The following TMCO5A variants were observed in gnomAD, a reference collection of about 807,000 sequenced individuals.
TMCO5A encodes the protein transmembrane and coiled-coil domains 5A.
Under a neutral mutation model 42.3 loss-of-function variants are expected in TMCO5A, and 34 were observed. The ratio of observed to expected loss-of-function variants is 0.80; its 90% confidence interval spans 0.61 to 1.07. TMCO5A has a LOEUF of 1.07. Ranked by LOEUF, TMCO5A falls within the 50% of genes least tolerant of loss-of-function variation. The probability of loss-of-function intolerance (pLI) is 0.00; values close to 1 mark genes in which losing one functional copy is unlikely to be tolerated. For missense variants in TMCO5A, 357 were observed against 327.9 expected (o/e 1.09, Z -0.69); for synonymous variants, 131 against 115.6 (o/e 1.13, Z -0.86).
intron 9 of TMCO5A, 135 bp from the exon 10 acceptor site, chr15:37,943,206 A>G: frequency 1.6e-6 from 1 of 639,214 alleles, no homozygotes; most frequent in East Asian, 3.1e-5. Context: ...TAATTTAAAT[A>G]GCTATAGGTA....
intron 11 of TMCO5A, among the ~76,000 whole-genome samples, chr15:37,959,918 G>GA (rs1198162664): frequency 1.3e-5 from 2 of 151,662 alleles, no homozygotes; most frequent in African/African-American, 2.4e-5. Flanking sequence ...TTATATTTGG[G>GA]AAAAAAATTA....
At chr15:38,038,695 A>G in the TMCO5A span, among the ~76,000 whole-genome samples, 1 of 152,136 alleles carries the variant, frequency 6.6e-6, no homozygotes, top group Non-Finnish European at 1.5e-5. Flanking sequence ...CATAAGCCAC[A>G]ACACCCGGCC....
rs763334399 is a variant in TMCO5A, at chr15:37,938,243, A to T, written c.387+14A>T. 6 of 1,462,368 alleles carry T rather than the reference A, an allele frequency of 4.1e-6. No homozygotes were observed. Among genetic ancestry groups the T allele is most frequent in the African/African-American group, 1.5e-5 (1 of 67,804 alleles). The allele number at this position is 1,462,368 out of a possible 1,614,324, so 90.6% of individuals were successfully genotyped here. A position where few individuals can be genotyped will look rare whatever the true frequency, so the allele number is the denominator to read the frequency against. ...GAAGAGACAAAGGTAAATGAAAAAA[A>T]CAATCCTAAATGTGGTTGGGCTATG... On this transcript the variant is annotated intron_variant, in intron 6 of 11. Transcript: ENST00000319669.
Position 37,966,853 on chromosome 15 carries a change from C to A in TMCO5A, c.*210C>A, listed in dbSNP as rs570643801. The A allele has an allele frequency of 6.5e-5, 39 of 603,408 alleles. 1 individual carries two copies. The South Asian group carries it at 7.7e-4, about 12-fold the overall frequency. 37.4% of individuals were successfully genotyped at this position (603,408 alleles called of 1,614,324 possible). On this transcript the variant is annotated 3_prime_UTR_variant, in exon 12 of 12. Coordinates refer to the TMCO5A transcript ENST00000559502. ...GTCAAGCTTATGTCATATGTTCAGC[C>A]CCTTACTAAGGATTAAGAGCAGTCA...
the TMCO5A span, among the ~76,000 whole-genome samples, chr15:37,974,985 GT>G: frequency 6.6e-6 from 1 of 152,224 alleles, no homozygotes; most frequent in Admixed American, 6.5e-5. Context: ...GTCTACCTTA[GT>G]TTCATTGTTT....
the TMCO5A span, among the ~76,000 whole-genome samples, chr15:37,993,687 G>A: frequency 6.6e-6 from 1 of 152,098 alleles, no homozygotes; most frequent in Non-Finnish European, 1.5e-5. Context: ...TGTGGGGAGG[G>A]TGTAACAATG....
chr15:37,968,760 T>A (rs751355969), downstream of TMCO5A, among the ~76,000 whole-genome samples: 61 of 151,992 alleles, frequency 4.0e-4, no homozygotes, highest in Admixed American at 6.6e-4. Context: ...TTTTTGTATT[T>A]CTAGTAGAGA....
the TMCO5A span, among the ~76,000 whole-genome samples, chr15:37,996,617 T>C: frequency 1.3e-5 from 2 of 152,286 alleles, no homozygotes; most frequent in African/African-American, 4.8e-5. Context: ...ACCAGGTGTA[T>C]AAACAAATAA....
intron 10 of TMCO5A, among the ~76,000 whole-genome samples, chr15:37,946,915 A>G (rs1889986044): frequency 1.3e-5 from 2 of 152,134 alleles, no homozygotes; most frequent in African/African-American, 4.8e-5. Context: ...GAGAGAAGTC[A>G]TCCTTGTCTT....
At chr15:37,948,032 A>G (rs1890024281) in intron 11 of TMCO5A, among the ~76,000 whole-genome samples, 1 of 152,106 alleles carries the variant, frequency 6.6e-6, no homozygotes, top group Admixed American at 6.6e-5. Context: ...AGCTTGATGT[A>G]TCTGGTTTCC....
downstream of TMCO5A, among the ~76,000 whole-genome samples, chr15:37,951,899 C>T (rs1484306367): frequency 6.6e-6 from 1 of 152,016 alleles, no homozygotes; most frequent in Non-Finnish European, 1.5e-5. Flanking sequence ...CCCCCTTTCC[C>T]ATCCTCCAGC....
intron 11 of TMCO5A, among the ~76,000 whole-genome samples, chr15:37,959,363 A>G (rs1437620792): frequency 6.6e-6 from 1 of 152,010 alleles, no homozygotes; most frequent in Non-Finnish European, 1.5e-5. Flanking sequence ...TGTAAGGTCA[A>G]TATTACCCTG....
At chr15:37,943,558 C>T in intron 10 of TMCO5A, 160 bp downstream of exon 10, 1 of 608,846 alleles carries the variant, frequency 1.6e-6, no homozygotes, top group Non-Finnish European at 2.8e-6. Context: ...CCTAAACAAA[C>T]AAACTAGACT....
At chr15:37,955,186 G>A (rs1282664917), downstream of TMCO5A, among the ~76,000 whole-genome samples, 2 of 148,280 alleles carry the variant, frequency 1.3e-5, no homozygotes, top group African/African-American at 5.0e-5. Flanking sequence ...CCAAGGATCT[G>A]TTGCCTAAAA....
At chr15:37,952,021 C>T (rs899538757), downstream of TMCO5A, among the ~76,000 whole-genome samples, 1 of 152,130 alleles carries the variant, frequency 6.6e-6, no homozygotes, top group Non-Finnish European at 1.5e-5. Context: ...CAAAACCAGA[C>T]CAAACTCACC....
the TMCO5A span, among the ~76,000 whole-genome samples, chr15:37,980,699 A>G: frequency 6.6e-6 from 1 of 151,362 alleles, no homozygotes; most frequent in Admixed American, 6.6e-5. Flanking sequence ...ATGGCAGTGG[A>G]ACTCTGAGAT....
rs559650671 is a variant in TMCO5A, at chr15:37,958,488, A to G, written c.669-8137A>G. 1.8e-3 allele frequency among the ~76,000 whole-genome samples: 272 copies of G among 152,364 alleles called. 1 individual carries two copies. Among genetic ancestry groups the G allele is most frequent in the Non-Finnish European group, 3.4e-3 (231 of 68,036 alleles). On this transcript the variant is annotated intron_variant, in intron 11 of 11. Coordinates refer to the TMCO5A transcript ENST00000559502. Reference sequence around the variant, plus strand: ...TTTATGCAGCCAACAAACATGAAAAAAAGCTAATCATCACTGGTCATTAGA... The same window carrying G: ...TTTATGCAGCCAACAAACATGAAAAGAAGCTAATCATCACTGGTCATTAGA...
intron 9 of TMCO5A, 187 bp from the exon 10 acceptor site, chr15:37,943,154 A>C: frequency 2.0e-6 from 1 of 499,702 alleles, no homozygotes; most frequent in Non-Finnish European, 3.4e-6. Flanking sequence ...AATTGAGTAC[A>C]TAAAAGATGT....
At position 37,951,263 on chromosome 15, in the gene TMCO5A, A is replaced by C; in HGVS notation, c.*29A>C. The C allele has an allele frequency of 6.2e-7, 1 of 1,605,174 alleles. No homozygotes were observed. The highest frequency in any genetic ancestry group is 2.2e-5 in the East Asian group (1 of 44,696). ...CCTAAGAAATATCCTTGAGCAATAG[A>C]AGGGAAGTGGGATCCGAGCCTGTAG... On this transcript the variant is annotated 3_prime_UTR_variant, in exon 12 of 12. Coordinates refer to ENST00000319669, the MANE Select transcript of TMCO5A (RefSeq NM_152453.4).
Sources: allele counts gnomAD v4.1 joint callset (sites outside exome capture counted in the v4.1 genomes callset), GRCh38; gene constraint gnomAD v4.1.1; transcripts MANE v1.5; gene names NCBI Gene and HGNC (gene_info 2026-07-23, HGNC 2026-07-21).